RTN1: variants seen among roughly 807,000 people sequenced by gnomAD.
RTN1 encodes the protein reticulon 1, also known as reticulon-1.
In RTN1, 25 loss-of-function variants were observed where a neutral mutation model predicts 65.5. The ratio of observed to expected loss-of-function variants is 0.38; its 90% CI spans 0.28 to 0.53. The LOEUF (loss-of-function observed/expected upper bound fraction) is 0.53. RTN1 is among the 20% of genes least tolerant of loss of function. RTN1 has a pLI of 0.79. For synonymous variants in RTN1, 471 were observed against 447.6 expected (o/e 1.05, Z -0.66); for missense variants, 983 against 1,025.4 (o/e 0.96, Z 0.57).
chr14:59,738,711 T>C (rs556153911), intron 2 of RTN1, among the ~76,000 whole-genome samples: 14 of 152,332 alleles, frequency 9.2e-5, no homozygotes, highest in East Asian at 1.9e-4. Flanking sequence ...TGTATGTTTA[T>C]TGCAGCACTA....
rs1885225707 is a variant in RTN1, at chr14:59,746,369, C to T, written c.354G>A (p.Glu118=). The T allele has an allele frequency of 6.2e-7, 1 of 1,614,132 alleles. No individual in the cohort carries two copies. The highest frequency in any genetic ancestry group is 8.5e-7 in the Non-Finnish European group (1 of 1,180,018). The change falls in exon 2 of 9, where the codon GAG becomes GAA. Residue 118 remains glutamate, a synonymous_variant. Transcript: ENST00000267484. ...GAATTCCAGTAAAATATGTAGAATC[C>T]TCCTGAGGTGGATAGCAGATGTCAG... ...LISDICYPPQ[E]DSTYFTGILQ...
At chr14:59,792,991 G>C (rs910607134) in intron 1 of RTN1, among the ~76,000 whole-genome samples, 5 of 152,074 alleles carry the variant, frequency 3.3e-5, no homozygotes, top group Admixed American at 2.0e-4. Flanking sequence ...AAACTTCCCT[G>C]AAATCATGTG....
chr14:59,705,147 A>C (rs1357239178), intron 3 of RTN1, among the ~76,000 whole-genome samples: 1 of 152,058 alleles, frequency 6.6e-6, no homozygotes, highest in Non-Finnish European at 1.5e-5. Flanking sequence ...CCCAAACTCA[A>C]TTTTACTTTT....
intron 1 of RTN1, among the ~76,000 whole-genome samples, chr14:59,763,227 A>T (rs1321564328): frequency 6.6e-6 from 1 of 152,206 alleles, no homozygotes; most frequent in Non-Finnish European, 1.5e-5. Flanking sequence ...ACCCATACAA[A>T]TCAAGGAAAA....
chr14:59,810,253 T>C (rs1444363466), intron 1 of RTN1, among the ~76,000 whole-genome samples: 4 of 152,184 alleles, frequency 2.6e-5, no homozygotes, highest in Non-Finnish European at 5.9e-5. Flanking sequence ...CAAAGGTTGA[T>C]CAGGTTCACT....
intron 3 of RTN1, among the ~76,000 whole-genome samples, chr14:59,640,255 C>A (rs1263118567): frequency 6.6e-6 from 1 of 152,010 alleles, no homozygotes; most frequent in African/African-American, 2.4e-5. Flanking sequence ...TTTTAAATTT[C>A]TGCTTATGTC....
At position 59,770,250 on chromosome 14, in the gene RTN1, C is replaced by T. The variant is rs112902462; in HGVS notation, c.242-23769G>A. Among the ~76,000 whole-genome samples the T allele has an allele frequency of 3.1e-3, 474 of 151,654 alleles. 3 individuals are homozygous for T. The highest frequency in any genetic ancestry group is 0.011 in the African/African-American group (449 of 41,324). ...AAAATTAGCTGGGCATGGTGCTGCACGCCTGTAATCCCAGCTACTTGGGAG... is the reference window on the plus strand; with the variant it reads ...AAAATTAGCTGGGCATGGTGCTGCATGCCTGTAATCCCAGCTACTTGGGAG... On this transcript the variant is annotated intron_variant, in intron 1 of 8. Transcript: ENST00000267484.
At chr14:59,614,253 G>C (rs10151703) in intron 3 of RTN1, among the ~76,000 whole-genome samples, 9,772 of 152,048 alleles carry the variant, frequency 0.064, 366 homozygotes, top group Middle Eastern at 0.082. Flanking sequence ...CTTAATTTTG[G>C]GGATCTGTCT....
At chr14:59,649,027 C>T (rs930263379) in intron 3 of RTN1, among the ~76,000 whole-genome samples, 1 of 152,126 alleles carries the variant, frequency 6.6e-6, no homozygotes, top group Non-Finnish European at 1.5e-5. Flanking sequence ...GCTAGAGTAA[C>T]CAAAACAGTA....
chr14:59,838,805 T>C (rs1321879440), intron 1 of RTN1, among the ~76,000 whole-genome samples: 8 of 152,152 alleles, frequency 5.3e-5, no homozygotes, highest in Non-Finnish European at 5.9e-5. Context: ...AAAAACCATA[T>C]GTAATATTTT....
intron 3 of RTN1, among the ~76,000 whole-genome samples, chr14:59,632,405 C>T (rs575315731): frequency 1.1e-4 from 17 of 152,260 alleles, no homozygotes; most frequent in African/African-American, 3.4e-4. Flanking sequence ...TGATGATAGC[C>T]TGATCAGCAC....
chr14:59,622,395 T>C (rs1439826095), intron 3 of RTN1, among the ~76,000 whole-genome samples: 1 of 152,316 alleles, frequency 6.6e-6, no homozygotes, highest in African/African-American at 2.4e-5. Flanking sequence ...TTCCTGTTCA[T>C]TGATAATATC....
Position 59,847,285 on chromosome 14 carries a change from G to C in RTN1, c.241+23105C>G, listed in dbSNP as rs187728653. Among the ~76,000 whole-genome samples, 15 of 152,274 alleles carry C rather than the reference G, an allele frequency of 9.9e-5. No individual in the cohort carries two copies. The East Asian group carries it at 2.9e-3, about 29-fold the overall frequency. On this transcript the variant is annotated intron_variant, in intron 1 of 8. Coordinates refer to ENST00000267484, the MANE Select transcript of RTN1 (RefSeq NM_021136.3). ...TAGCATAATAGTATCTGGCAGGTAA[G>C]TGTATAACAATGAAAAATAGTCCCT...
chr14:59,768,060 T>A (rs557158859), intron 1 of RTN1, among the ~76,000 whole-genome samples: 1 of 152,316 alleles, frequency 6.6e-6, no homozygotes, highest in East Asian at 1.9e-4. Flanking sequence ...TTTGTTATAT[T>A]GTTATTAGGT....
At chr14:59,748,233 G>C (rs1407332917) in intron 1 of RTN1, among the ~76,000 whole-genome samples, 1 of 93,254 alleles carries the variant, frequency 1.1e-5, no homozygotes, top group African/African-American at 3.5e-5. Flanking sequence ...TTTTTTCCGG[G>C]AATATTTACT....
intron 3 of RTN1, among the ~76,000 whole-genome samples, chr14:59,645,947 A>G (rs1488354171): frequency 6.6e-6 from 1 of 152,390 alleles, no homozygotes; most frequent in Non-Finnish European, 1.5e-5. Flanking sequence ...TAGTTCTTCA[A>G]CAAGGATTCT....
rs866927437 is a variant in RTN1, at chr14:59,675,569, A to G, written c.1765+51350T>C. On this transcript the variant is annotated intron_variant, in intron 3 of 8. Coordinates refer to ENST00000267484, the MANE Select transcript of RTN1 (RefSeq NM_021136.3). ...TAAAAATAAATAATTTAATAATAAT[A>G]TATTTTATAATTTAATAATACAATT... Among the ~76,000 whole-genome samples, 19 of 143,636 alleles carry G rather than the reference A, an allele frequency of 1.3e-4. No homozygotes were observed. In the South Asian group the frequency reaches 2.0e-3, roughly 15 times the overall value. 94.2% of individuals were successfully genotyped at this position (143,636 alleles called of 152,430 possible).
chr14:59,755,751 C>T (rs1885624988), intron 1 of RTN1, among the ~76,000 whole-genome samples: 1 of 152,160 alleles, frequency 6.6e-6, no homozygotes, highest in Non-Finnish European at 1.5e-5. Flanking sequence ...CAAATGGGTA[C>T]TGAGAAATCC....
intron 1 of RTN1, among the ~76,000 whole-genome samples, chr14:59,842,215 C>A (rs1308246011): frequency 1.3e-5 from 2 of 151,166 alleles, no homozygotes; most frequent in African/African-American, 4.9e-5. Flanking sequence ...ATTTTATAAT[C>A]ATGCAAGAGT....
Sources: allele counts gnomAD v4.1 joint callset (sites outside exome capture counted in the v4.1 genomes callset), GRCh38; gene constraint gnomAD v4.1.1; transcripts MANE v1.5; gene names NCBI Gene and HGNC (gene_info 2026-07-23, HGNC 2026-07-21).